RSRC1: variants seen among roughly 807,000 people sequenced by gnomAD.
RSRC1 encodes the protein arginine and serine rich coiled-coil 1, also known as serine/Arginine-related protein 53.
In RSRC1, 39 loss-of-function variants were observed where a neutral mutation model predicts 49.1. The observed-to-expected ratio is 0.79, with a 90% CI of 0.61 to 1.04. RSRC1 has a LOEUF of 1.04. RSRC1 is among the 50% of genes least tolerant of loss of function. RSRC1 has a pLI of 0.00. For missense variants in RSRC1, 388 were observed against 402.4 expected (o/e 0.96, Z 0.31); for synonymous variants, 143 against 130.8 (o/e 1.09, Z -0.63).
At chr3:158,186,583 T>G (rs900646067) in intron 3 of RSRC1, among the ~76,000 whole-genome samples, 13 of 152,092 alleles carry the variant, frequency 8.5e-5, no homozygotes, top group South Asian at 2.1e-4. Context: ...GCCAAGCATC[T>G]GTGTGTTCTG....
chr3:158,358,738 C>T (rs770388343), intron 6 of RSRC1, among the ~76,000 whole-genome samples: 6 of 152,120 alleles, frequency 3.9e-5, no homozygotes, highest in Non-Finnish European at 8.8e-5. Context: ...AAACCGCTTA[C>T]CTACTAGCAG....
At chr3:158,204,225 C>T (rs1337139845) in intron 4 of RSRC1, among the ~76,000 whole-genome samples, 1 of 152,050 alleles carries the variant, frequency 6.6e-6, no homozygotes, top group Non-Finnish European at 1.5e-5. Flanking sequence ...CTTTCTTTTT[C>T]ACAGTTGTTT....
chr3:158,317,308 A>G (rs1728518123), intron 5 of RSRC1, among the ~76,000 whole-genome samples: 1 of 152,122 alleles, frequency 6.6e-6, no homozygotes, highest in Admixed American at 6.5e-5. Flanking sequence ...GGCTCACTGC[A>G]AACTCTGCCT....
intron 8 of RSRC1, among the ~76,000 whole-genome samples, chr3:158,538,190 A>G (rs1420760264): frequency 1.3e-5 from 2 of 151,822 alleles, no homozygotes; most frequent in African/African-American, 4.8e-5. Context: ...TTTTGTTATT[A>G]GTGAGATTAA....
intron 7 of RSRC1, among the ~76,000 whole-genome samples, chr3:158,511,571 C>T (rs926625253): frequency 1.2e-4 from 19 of 152,128 alleles, no homozygotes; most frequent in African/African-American, 2.9e-4. Context: ...TGAATAGTGC[C>T]GCAATAAACA....
At chr3:158,291,851 G>T (rs1050699067) in intron 4 of RSRC1, among the ~76,000 whole-genome samples, 1 of 152,124 alleles carries the variant, frequency 6.6e-6, no homozygotes, top group African/African-American at 2.4e-5. Flanking sequence ...GGTAAGACGA[G>T]ATCTAAAAAA....
chr3:158,266,127 A>G (rs944525067), intron 4 of RSRC1, among the ~76,000 whole-genome samples: 6 of 152,156 alleles, frequency 3.9e-5, no homozygotes, highest in African/African-American at 1.4e-4. Context: ...TGATTTTTAA[A>G]GGTGGTTTAT....
chr3:158,195,107 C>A (rs942561687), intron 3 of RSRC1, among the ~76,000 whole-genome samples: 4 of 152,168 alleles, frequency 2.6e-5, no homozygotes, highest in African/African-American at 9.7e-5. Flanking sequence ...AGTTTACAGT[C>A]CCACCAACAG....
intron 5 of RSRC1, among the ~76,000 whole-genome samples, chr3:158,321,315 CTCT>C (rs1469559044): frequency 8.7e-5 from 13 of 149,178 alleles, no homozygotes; most frequent in Admixed American, 3.3e-4. Flanking sequence ...CCTCTTCTTC[CTCT>C]TCTTCTTCTT....
intron 4 of RSRC1, among the ~76,000 whole-genome samples, chr3:158,231,899 A>AGTCT (rs1722985259): frequency 6.6e-6 from 1 of 152,194 alleles, no homozygotes; most frequent in African/African-American, 2.4e-5. Context: ...CTTCAAGCAC[A>AGTCT]ATATAAAATT....
chr3:158,311,726 A>G (rs189769532), intron 5 of RSRC1, among the ~76,000 whole-genome samples: 25 of 152,132 alleles, frequency 1.6e-4, no homozygotes, highest in Admixed American at 1.5e-3. Flanking sequence ...TCTTACCACA[A>G]AAAAGGTAAA....
intron 3 of RSRC1, among the ~76,000 whole-genome samples, chr3:158,179,108 A>G (rs1384152996): frequency 1.3e-5 from 2 of 152,020 alleles, no homozygotes; most frequent in Admixed American, 6.6e-5. Flanking sequence ...TCCATTTCTT[A>G]TGCATCTTAT....
At chr3:158,515,303 A>C (rs1410336543) in intron 7 of RSRC1, among the ~76,000 whole-genome samples, 1 of 149,598 alleles carries the variant, frequency 6.7e-6, no homozygotes, top group Non-Finnish European at 1.5e-5. Flanking sequence ...GGTGGTGACA[A>C]AATCTCTCAG....
At chr3:158,111,775 A>G (rs190476853) in intron 1 of RSRC1, among the ~76,000 whole-genome samples, 1 of 152,326 alleles carries the variant, frequency 6.6e-6, no homozygotes, top group East Asian at 1.9e-4. Context: ...TGGAGAAGTA[A>G]TTATAAGCTA....
At chr3:158,438,922 A>C (rs1409356835) in intron 6 of RSRC1, among the ~76,000 whole-genome samples, 1 of 152,208 alleles carries the variant, frequency 6.6e-6, no homozygotes, top group Non-Finnish European at 1.5e-5. Flanking sequence ...TACTCATCTG[A>C]CAAAGGGCTA....
intron 4 of RSRC1, among the ~76,000 whole-genome samples, chr3:158,242,021 T>C (rs1723615541): frequency 1.3e-5 from 2 of 148,382 alleles, no homozygotes; most frequent in South Asian, 4.3e-4. Context: ...TTGTTTTTCT[T>C]AATTTCCAAC....
At chr3:158,195,584 C>T (rs1415189963) in intron 3 of RSRC1, among the ~76,000 whole-genome samples, 1 of 152,082 alleles carries the variant, frequency 6.6e-6, no homozygotes, top group African/African-American at 2.4e-5. Context: ...ATGCCTATGT[C>T]CTGAATGGTA....
chr3:158,458,094 C>T (rs545326623), intron 6 of RSRC1, among the ~76,000 whole-genome samples: 25 of 152,028 alleles, frequency 1.6e-4, no homozygotes, highest in Admixed American at 3.3e-4. Context: ...GGCAGTGAGT[C>T]TGAGAAAATA....
At chr3:158,280,787 C>T (rs572432359) in intron 4 of RSRC1, among the ~76,000 whole-genome samples, 40 of 151,962 alleles carry the variant, frequency 2.6e-4, no homozygotes, top group African/African-American at 9.6e-4. Flanking sequence ...GCTGGGACTA[C>T]AGGTGCATGC....
Sources: allele counts gnomAD v4.1 joint callset (sites outside exome capture counted in the v4.1 genomes callset), GRCh38; gene constraint gnomAD v4.1.1; transcripts MANE v1.5; gene names NCBI Gene and HGNC (gene_info 2026-07-23, HGNC 2026-07-21).